Variants in TMEM132D observed in about 807,000 individuals in gnomAD.
TMEM132D encodes mature OL transmembrane protein.
TMEM132D carries 21 observed loss-of-function variants against 62.3 expected under a neutral mutation model. The ratio of observed to expected loss-of-function variants is 0.34; its 90% CI spans 0.24 to 0.49. The LOEUF is 0.49. Among genes scored for constraint, TMEM132D ranks in the 20% least tolerant of loss-of-function variants. The pLI is 0.99. For missense variants in TMEM132D, 1,346 were observed against 1,402.8 expected, an observed-to-expected ratio of 0.96 and a Z score of 0.65; for synonymous variants, 621 against 575.6, an observed-to-expected ratio of 1.08 and a Z score of -1.13.
chr12:129,518,566 T>TAC (rs751466987), intron 3 of TMEM132D, among the ~76,000 whole-genome samples: 2,988 of 89,380 alleles, frequency 0.033, 112 homozygotes, highest in African/African-American at 0.085. Flanking sequence ...TGTATATATA[T>TAC]ACACACACAC....
At position 129,792,159 on chromosome 12, in the gene TMEM132D, G is replaced by A. The variant is rs369155079; in HGVS notation, c.80-91461C>T. On this transcript the variant is annotated intron_variant, in intron 1 of 8. Transcript: ENST00000422113. ...AGGGACTGAACATCCCACTGTCAAC[G>A]ATGCTCTTGCCGGGGCCAGCCCTGC... Among the ~76,000 whole-genome samples, 15 of 152,294 alleles carry A rather than the reference G, an allele frequency of 9.8e-5. No individual in the cohort carries two copies. In the East Asian group the frequency reaches 1.7e-3, roughly 18 times the overall value.
intron 4 of TMEM132D, among the ~76,000 whole-genome samples, chr12:129,310,440 G>A (rs935534700): frequency 6.6e-6 from 1 of 152,192 alleles, no homozygotes; most frequent in Non-Finnish European, 1.5e-5. Context: ...GTTCAGTTGT[G>A]GGACAGGCCC....
At chr12:129,656,507 C>A (rs79100104) in intron 2 of TMEM132D, among the ~76,000 whole-genome samples, 1 of 152,268 alleles carries the variant, frequency 6.6e-6, no homozygotes, top group African/African-American at 2.4e-5. Flanking sequence ...GCTGGTTGCA[C>A]TCAAGGACTC....
intron 3 of TMEM132D, among the ~76,000 whole-genome samples, chr12:129,430,119 A>T: frequency 6.6e-6 from 1 of 152,206 alleles, no homozygotes; most frequent in Non-Finnish European, 1.5e-5. Flanking sequence ...GGCTGGGTCA[A>T]ACGGTATTTC....
chr12:129,738,975 A>G (rs1869513565), intron 1 of TMEM132D, among the ~76,000 whole-genome samples: 1 of 152,212 alleles, frequency 6.6e-6, no homozygotes, highest in Admixed American at 6.5e-5. Flanking sequence ...TTTACTTGGA[A>G]CAGAAACTCT....
intron 4 of TMEM132D, among the ~76,000 whole-genome samples, chr12:129,241,984 T>A (rs1879951327): frequency 6.6e-6 from 1 of 152,182 alleles, no homozygotes; most frequent in Non-Finnish European, 1.5e-5. Flanking sequence ...TTCTGAGGGC[T>A]CTTCTGTGTG....
intron 4 of TMEM132D, among the ~76,000 whole-genome samples, chr12:129,253,335 G>A (rs1483505614): frequency 6.6e-6 from 1 of 151,976 alleles, no homozygotes; most frequent in Non-Finnish European, 1.5e-5. Flanking sequence ...TGGTCGTCCA[G>A]TAGCTAAATG....
intron 1 of TMEM132D, among the ~76,000 whole-genome samples, chr12:129,895,172 A>G (rs1875064946): frequency 6.6e-6 from 1 of 152,046 alleles, no homozygotes; most frequent in African/African-American, 2.4e-5. Flanking sequence ...ACCAAAGCAT[A>G]GCACCCCCCA....
chr12:129,120,182 A>G (rs1489784304), intron 5 of TMEM132D, among the ~76,000 whole-genome samples: 1 of 152,172 alleles, frequency 6.6e-6, no homozygotes, highest in East Asian at 1.9e-4. Flanking sequence ...TGTGCATGAG[A>G]GTGAAATGGC....
At chr12:129,263,193 G>A (rs1478019657) in intron 4 of TMEM132D, among the ~76,000 whole-genome samples, 1 of 152,090 alleles carries the variant, frequency 6.6e-6, no homozygotes, top group Non-Finnish European at 1.5e-5. Flanking sequence ...ACCTCACGGT[G>A]GGAAGTCTGC....
rs4759986 is a variant in TMEM132D, at chr12:129,270,299, A to C, written c.1300-60636T>G. On this transcript the variant is annotated intron_variant, in intron 4 of 8. Coordinates refer to ENST00000422113, the MANE Select transcript of TMEM132D (RefSeq NM_133448.3). ...GAGACCATAAGCTCAGCTCTCACAA[A>C]TCTGGTCTGGTTACCATAGAAACCC... 1.4e-4 allele frequency among the ~76,000 whole-genome samples: 21 copies of C among 152,018 alleles called. 1 individual carries two copies. Among genetic ancestry groups the C allele is most frequent in the Admixed American group, 1.4e-3 (21 of 15,274 alleles).
chr12:129,600,700 G>A (rs1178265961), intron 2 of TMEM132D, among the ~76,000 whole-genome samples: 1 of 152,164 alleles, frequency 6.6e-6, no homozygotes, highest in Non-Finnish European at 1.5e-5. Flanking sequence ...AGGTGACCAG[G>A]TGTATTGTCA....
intron 4 of TMEM132D, among the ~76,000 whole-genome samples, chr12:129,296,717 G>A (rs1212118283): frequency 6.6e-6 from 1 of 152,210 alleles, no homozygotes; most frequent in Non-Finnish European, 1.5e-5. Context: ...GTGTTTCCTG[G>A]AAAACAGAGC....
intron 2 of TMEM132D, among the ~76,000 whole-genome samples, chr12:129,551,409 CTT>C (rs945646413): frequency 5.9e-5 from 9 of 152,204 alleles, no homozygotes; most frequent in African/African-American, 1.7e-4. Flanking sequence ...ATGTCTCTCT[CTT>C]GGGAGTCATT....
intron 4 of TMEM132D, among the ~76,000 whole-genome samples, chr12:129,238,964 C>A (rs1879858927): frequency 6.6e-6 from 1 of 150,926 alleles, no homozygotes; most frequent in Non-Finnish European, 1.5e-5. Flanking sequence ...CTTTCAGTCT[C>A]TCCTCATCCT....
intron 1 of TMEM132D, among the ~76,000 whole-genome samples, chr12:129,799,362 G>A (rs1223659198): frequency 7.9e-5 from 3 of 37,960 alleles, no homozygotes; most frequent in African/African-American, 2.1e-4. Context: ...ATGTGTGTGT[G>A]TGTATATATG....
chr12:129,744,865 C>T lies in TMEM132D; in HGVS notation c.80-44167G>A, dbSNP rs11060527. ...TACTGATATGGTTGGGCTCTGTGTC[C>T]CCACCCAAATCTCATCTTGAATTAC... On this transcript the variant is annotated intron_variant, in intron 1 of 8. Transcript: ENST00000422113. Among the ~76,000 whole-genome samples the T allele has an allele frequency of 5.1e-3, 781 of 152,076 alleles. 9 individuals are homozygous for T. Among genetic ancestry groups the T allele is most frequent in the African/African-American group, 0.018 (737 of 41,480 alleles).
intron 2 of TMEM132D, among the ~76,000 whole-genome samples, chr12:129,551,302 G>A (rs900744903): frequency 1.3e-5 from 2 of 152,200 alleles, no homozygotes; most frequent in African/African-American, 2.4e-5. Flanking sequence ...GCTATGCAGC[G>A]AGCAAAAGTG....
intron 2 of TMEM132D, among the ~76,000 whole-genome samples, chr12:129,542,262 G>A (rs1196065875): frequency 6.6e-6 from 1 of 152,184 alleles, no homozygotes; most frequent in Non-Finnish European, 1.5e-5. Context: ...TTTACTGTCT[G>A]TTAAGAACCA....
Sources: allele counts gnomAD v4.1 joint callset (sites outside exome capture counted in the v4.1 genomes callset), GRCh38; gene constraint gnomAD v4.1.1; transcripts MANE v1.5; gene names NCBI Gene and HGNC (gene_info 2026-07-23, HGNC 2026-07-21).